Variants in ANKS1B observed in about 807,000 individuals in gnomAD.
ANKS1B encodes the protein ankyrin repeat and sterile alpha motif domain containing 1B.
Under a neutral mutation model 148.3 loss-of-function variants are expected in ANKS1B, and 36 were observed. The ratio of observed to expected loss-of-function variants is 0.24; its 90% CI spans 0.19 to 0.32. The LOEUF (loss-of-function observed/expected upper bound fraction) is 0.32. ANKS1B is among the 10% of genes least tolerant of loss of function. The probability of loss-of-function intolerance (pLI) is 1.00; values close to 1 mark genes in which losing one functional copy is unlikely to be tolerated. For missense variants in ANKS1B, 1,157 were observed against 1,542.6 expected (o/e 0.75, Z 4.19); for synonymous variants, 542 against 560.8 (o/e 0.97, Z 0.47).
chr12:99,803,288 A>G (rs1478810965), intron 4 of ANKS1B, among the ~76,000 whole-genome samples: 5 of 140,188 alleles, frequency 3.6e-5, no homozygotes, highest in Non-Finnish European at 7.8e-5. Context: ...CCCCCCCAAA[A>G]AAAAAGGCAA....
chr12:99,551,590 G>A (rs1271157472), intron 9 of ANKS1B, among the ~76,000 whole-genome samples: 1 of 151,024 alleles, frequency 6.6e-6, no homozygotes, highest in Non-Finnish European at 1.5e-5. Flanking sequence ...ATACTCTGGA[G>A]CACACAGGTG....
intron 9 of ANKS1B, among the ~76,000 whole-genome samples, chr12:99,541,227 T>C (rs1349596208): frequency 1.3e-5 from 2 of 151,736 alleles, no homozygotes; most frequent in East Asian, 3.9e-4. Flanking sequence ...AATGCTTCTT[T>C]AAAAAAAACA....
intron 13 of ANKS1B, among the ~76,000 whole-genome samples, chr12:99,245,550 C>A (rs11109772): frequency 0.065 from 9,867 of 152,202 alleles, 684 homozygotes; most frequent in East Asian, 0.28. Context: ...CAGCTCAGTT[C>A]AGAATATCAC....
At chr12:99,229,136 T>C (rs2086424201) in intron 14 of ANKS1B, among the ~76,000 whole-genome samples, 1 of 151,960 alleles carries the variant, frequency 6.6e-6, no homozygotes, top group Non-Finnish European at 1.5e-5. Flanking sequence ...TTTGCATATG[T>C]CCTTTCAGAT....
intron 1 of ANKS1B, among the ~76,000 whole-genome samples, chr12:99,834,300 T>C (rs935596773): frequency 6.6e-6 from 1 of 152,170 alleles, no homozygotes; most frequent in African/African-American, 2.4e-5. Flanking sequence ...ATTACATATT[T>C]ATTCCAAAAA....
At chr12:99,883,610 T>A (rs2092654948) in intron 1 of ANKS1B, among the ~76,000 whole-genome samples, 1 of 96,522 alleles carries the variant, frequency 1.0e-5, no homozygotes, top group African/African-American at 3.2e-5. Flanking sequence ...AGGCATAGAC[T>A]TGGGGCAGGG....
At chr12:98,926,082 C>T (rs989710128) in intron 17 of ANKS1B, among the ~76,000 whole-genome samples, 4 of 152,048 alleles carry the variant, frequency 2.6e-5, no homozygotes, top group African/African-American at 9.7e-5. Flanking sequence ...CAGAAAAGAC[C>T]TGAGAAGCCC....
intron 9 of ANKS1B, among the ~76,000 whole-genome samples, chr12:99,519,991 G>T (rs2096859197): frequency 6.6e-6 from 1 of 152,062 alleles, no homozygotes; most frequent in Non-Finnish European, 1.5e-5. Context: ...TTAACTTCTT[G>T]TTGCTTCTCT....
chr12:99,059,871 C>A (rs115743376), intron 16 of ANKS1B, among the ~76,000 whole-genome samples: 1 of 144,642 alleles, frequency 6.9e-6, no homozygotes, highest in African/African-American at 2.6e-5. Flanking sequence ...TCAGCAGTAC[C>A]CACAGGGAGC....
chr12:98,933,170 C>G (rs1270090907), intron 17 of ANKS1B, among the ~76,000 whole-genome samples: 1 of 152,148 alleles, frequency 6.6e-6, no homozygotes, highest in African/African-American at 2.4e-5. Flanking sequence ...GCCCTGGAAA[C>G]CACAATTGCA....
chr12:99,693,234 A>T (rs1019193333), intron 8 of ANKS1B, among the ~76,000 whole-genome samples: 1 of 152,250 alleles, frequency 6.6e-6, no homozygotes, highest in East Asian at 1.9e-4. Flanking sequence ...AAAAAATAAA[A>T]TACATTAGGT....
intron 9 of ANKS1B, among the ~76,000 whole-genome samples, chr12:99,550,623 CA>C (rs34087621): frequency 8.7e-4 from 117 of 134,250 alleles, no homozygotes; most frequent in Admixed American, 1.1e-3. Context: ...AACTCTATCT[CA>C]AAAAAAAAAA....
chr12:99,877,876 T>C (rs1436011524), intron 1 of ANKS1B, among the ~76,000 whole-genome samples: 9 of 152,084 alleles, frequency 5.9e-5, no homozygotes, highest in Admixed American at 5.9e-4. Context: ...CTGGGCAACA[T>C]GGCGAAACCC....
intron 8 of ANKS1B, among the ~76,000 whole-genome samples, chr12:99,659,976 C>A (rs1474234565): frequency 6.6e-6 from 1 of 152,090 alleles, no homozygotes; most frequent in Non-Finnish European, 1.5e-5. Flanking sequence ...GGGACCAGGC[C>A]AAAAGGCAGA....
intron 17 of ANKS1B, among the ~76,000 whole-genome samples, chr12:98,843,032 C>T (rs2153730207): frequency 6.6e-6 from 1 of 152,292 alleles, no homozygotes; most frequent in Non-Finnish European, 1.5e-5. Flanking sequence ...CATGGGTTCT[C>T]TCTGGATGGG....
intron 26 of ANKS1B, among the ~76,000 whole-genome samples, chr12:98,750,003 G>C (rs1033900613): frequency 2.0e-5 from 3 of 152,162 alleles, no homozygotes; most frequent in Admixed American, 2.0e-4. Flanking sequence ...GAGTGGCTGT[G>C]GGGTGGGGAA....
intron 14 of ANKS1B, among the ~76,000 whole-genome samples, chr12:99,241,664 A>G (rs934482943): frequency 5.9e-5 from 9 of 152,220 alleles, no homozygotes; most frequent in Admixed American, 5.9e-4. Context: ...ATACTAGCAA[A>G]CTGAATCCAG....
At chr12:99,371,212 A>T (rs1296211713) in intron 12 of ANKS1B, among the ~76,000 whole-genome samples, 2 of 152,098 alleles carry the variant, frequency 1.3e-5, no homozygotes, top group Admixed American at 1.3e-4. Flanking sequence ...TATGCAAAGC[A>T]TTGAATAGTT....
chr12:99,072,342 A>C (rs899161026), intron 16 of ANKS1B, among the ~76,000 whole-genome samples: 6 of 152,076 alleles, frequency 3.9e-5, no homozygotes, highest in African/African-American at 1.4e-4. Flanking sequence ...AAATGTCAGA[A>C]ACTTCATATG....
Sources: gnomAD v4.1 joint callset for allele counts (sites outside exome capture counted in the v4.1 genomes callset) on GRCh38, gnomAD v4.1.1 for gene constraint, MANE v1.5 for transcripts, NCBI Gene and HGNC (gene_info 2026-07-23, HGNC 2026-07-21) for gene names.